ZBTB37: variants seen among roughly 807,000 people sequenced by gnomAD.
ZBTB37 encodes the protein zinc finger and BTB domain containing 37, also known as zinc finger and BTB domain-containing protein 37.
A neutral mutation model predicts 37.7 loss-of-function variants in ZBTB37; 15 were observed. The observed-to-expected ratio is 0.40, with a 90% CI of 0.27 to 0.61. ZBTB37 has a LOEUF of 0.61. ZBTB37 is among the 20% of genes least tolerant of loss of function. The pLI is 0.44. For missense variants in ZBTB37, 514 were observed against 641.9 expected, an observed-to-expected ratio of 0.80 and a Z score of 2.15; for synonymous variants, 231 against 220.6, an observed-to-expected ratio of 1.05 and a Z score of -0.42.
rs185147410 is a variant in ZBTB37, at chr1:173,873,028, T to C, written c.924-439T>C. On this transcript the variant is annotated intron_variant, in intron 3 of 4. Transcript: ENST00000427304. ...TCTCAAAAAAAAAAAAAAAGTAATA[T>C]CAATTTCAATGCAAAGATTTTTTAA... Among the ~76,000 whole-genome samples, 177 of 151,094 alleles carry C rather than the reference T, an allele frequency of 1.2e-3. 1 individual carries two copies. Among genetic ancestry groups the C allele is most frequent in the African/African-American group, 4.1e-3 (170 of 41,278 alleles).
At chr1:173,880,686 G>A (rs973309101) in intron 4 of ZBTB37, among the ~76,000 whole-genome samples, 16 of 152,060 alleles carry the variant, frequency 1.1e-4, no homozygotes, top group South Asian at 4.1e-4. Context: ...GAGGCTAGCC[G>A]TTTTTGCCTT....
chr1:173,883,957 G>C (rs1323811321), intron 4 of ZBTB37, among the ~76,000 whole-genome samples: 4 of 152,076 alleles, frequency 2.6e-5, no homozygotes, highest in Non-Finnish European at 5.9e-5. Context: ...AGTCAACTTT[G>C]ACATTTTCTT....
At chr1:173,873,883 A>G (rs1376608372) in intron 4 of ZBTB37, among the ~76,000 whole-genome samples, 1 of 152,230 alleles carries the variant, frequency 6.6e-6, no homozygotes, top group Non-Finnish European at 1.5e-5. Context: ...ATTAATAAGG[A>G]AAAAGTGATA....
chr1:173,875,870 G>C (rs760733270), intron 4 of ZBTB37, among the ~76,000 whole-genome samples: 2 of 151,906 alleles, frequency 1.3e-5, no homozygotes, highest in Non-Finnish European at 2.9e-5. Flanking sequence ...GTTTGCCCAG[G>C]CTGGTCTCAA....
At chr1:173,883,200 T>A (rs1035052540) in intron 4 of ZBTB37, among the ~76,000 whole-genome samples, 9 of 152,206 alleles carry the variant, frequency 5.9e-5, no homozygotes, top group African/African-American at 2.2e-4. Context: ...TACTGTTGGC[T>A]GGGCCTGGTG....
chr1:173,870,128 C>T, intron 2 of ZBTB37, 72 bp from the exon 3 acceptor site: 1 of 1,057,674 alleles, frequency 9.5e-7, no homozygotes, highest in South Asian at 1.9e-5. Flanking sequence ...TGTTTAAATA[C>T]TTTTGAAATG....
chr1:173,896,436 C>T (rs1657050053), exon 4 of ZBTB37: 1 of 152,204 alleles, frequency 6.6e-6, no homozygotes, highest in Non-Finnish European at 1.5e-5. Context: ...AAATGTCTCT[C>T]ATTCTCTATT....
At chr1:173,883,819 A>G (rs1441501630) in intron 4 of ZBTB37, among the ~76,000 whole-genome samples, 2 of 152,230 alleles carry the variant, frequency 1.3e-5, no homozygotes, top group Non-Finnish European at 2.9e-5. Flanking sequence ...CCATCAGCAT[A>G]GGAAGGGACA....
chr1:173,883,180 G>GA (rs756870994), intron 4 of ZBTB37, among the ~76,000 whole-genome samples: 1 of 152,100 alleles, frequency 6.6e-6, no homozygotes. Context: ...ATTGTATTTA[G>GA]AAAAAAGAGT....
At chr1:173,902,438 A>G (rs904984882) in exon 4 of ZBTB37, 2 of 152,230 alleles carry the variant, frequency 1.3e-5, no homozygotes, top group Non-Finnish European at 2.9e-5. Flanking sequence ...CCTTTGAAAA[A>G]AACTAATGTT....
intron 4 of ZBTB37, among the ~76,000 whole-genome samples, chr1:173,876,420 C>T (rs961464320): frequency 2.0e-5 from 3 of 152,084 alleles, no homozygotes; most frequent in African/African-American, 4.8e-5. Context: ...CTGGTTCGAG[C>T]AATTCTCCTG....
intron 4 of ZBTB37, among the ~76,000 whole-genome samples, chr1:173,878,994 G>C (rs976196892): frequency 2.0e-5 from 3 of 150,992 alleles, no homozygotes. Flanking sequence ...GGGAGGCTGA[G>C]ACAGGAGAAT....
chr1:173,875,116 ATGTGTGTGTGTG>A (rs71111072), intron 4 of ZBTB37, among the ~76,000 whole-genome samples: 6,484 of 137,058 alleles, frequency 0.047, 482 homozygotes, highest in African/African-American at 0.15. Flanking sequence ...TCTGATTATT[ATGTGTGTGTGTG>A]TGTGTGTGTG....
chr1:173,895,919 A>C (rs1175235693), exon 4 of ZBTB37: 1 of 149,468 alleles, frequency 6.7e-6, no homozygotes, highest in African/African-American at 2.6e-5. Flanking sequence ...TACACTTCTT[A>C]AGAAAGGTTT....
chr1:173,881,776 C>T (rs1656322808), intron 4 of ZBTB37, among the ~76,000 whole-genome samples: 1 of 151,952 alleles, frequency 6.6e-6, no homozygotes, highest in South Asian at 2.1e-4. Flanking sequence ...TCTGTTCGGC[C>T]GGGCGTGGTG....
At chr1:173,870,202 T>C in exon 3 of ZBTB37, 1 of 1,575,148 alleles carries the variant, frequency 6.3e-7, no homozygotes, top group Non-Finnish European at 8.6e-7. Flanking sequence ...TTCAGCAGGG[T>C]TGAATGCACC....
exon 4 of ZBTB37, chr1:173,891,822 G>A (rs1048056658): frequency 6.6e-6 from 1 of 152,040 alleles, no homozygotes. Flanking sequence ...AATGATATAG[G>A]GACTTTTGAA....
intron 4 of ZBTB37, among the ~76,000 whole-genome samples, chr1:173,877,929 C>T (rs1656075364): frequency 6.6e-6 from 1 of 152,160 alleles, no homozygotes; most frequent in Non-Finnish European, 1.5e-5. Flanking sequence ...TACTTGAAAA[C>T]ATTCTGTAGC....
rs1028527510 is a variant in ZBTB37 at position 173,871,385 on chromosome 1, G to A, written c.923+237G>A. ...AACTGTGGTAAAGTTAGACACTTCCGTGAATCAGAATAGCATCTGCAGCCA... is the reference window on the plus strand; with the variant it reads ...AACTGTGGTAAAGTTAGACACTTCCATGAATCAGAATAGCATCTGCAGCCA... On this transcript the variant is annotated intron_variant, in intron 3 of 4. Coordinates refer to ENST00000427304, the Ensembl canonical transcript of ZBTB37. Among the ~76,000 whole-genome samples, 4 of 152,228 alleles carry A rather than the reference G, an allele frequency of 2.6e-5. No individual in the cohort carries two copies. The South Asian group carries it at 6.2e-4, about 24-fold the overall frequency.
Sources: gnomAD v4.1 joint callset for allele counts (sites outside exome capture counted in the v4.1 genomes callset) on GRCh38, gnomAD v4.1.1 for gene constraint, MANE v1.5 for transcripts, NCBI Gene and HGNC (gene_info 2026-07-23, HGNC 2026-07-21) for gene names.